SMG6: variants seen among roughly 807,000 people sequenced by gnomAD.
SMG6 encodes telomerase-binding protein EST1A.
Under a neutral mutation model 142.2 loss-of-function variants are expected in SMG6, and 66 were observed. That is an observed-to-expected ratio of 0.46 (90% confidence interval 0.38 to 0.57). The LOEUF is 0.57. Ranked by LOEUF, SMG6 falls within the 20% of genes least tolerant of loss-of-function variation. The pLI is 0.00. For missense variants in SMG6, 1,793 were observed against 1,832.0 expected, an observed-to-expected ratio of 0.98 and a Z score of 0.39; for synonymous variants, 779 against 702.4, an observed-to-expected ratio of 1.11 and a Z score of -1.72.
At chr17:2,134,404 A>G (rs2070223787) in intron 13 of SMG6, among the ~76,000 whole-genome samples, 1 of 118,876 alleles carries the variant, frequency 8.4e-6, no homozygotes, top group Non-Finnish European at 1.6e-5. Flanking sequence ...GGGCGATAAG[A>G]GCGAGACTCC....
intron 9 of SMG6, among the ~76,000 whole-genome samples, chr17:2,242,687 TTTAAAAAAAAA>T (rs1297278603): frequency 4.4e-5 from 2 of 45,412 alleles, no homozygotes; most frequent in African/African-American, 1.5e-4. Flanking sequence ...GCTCCATCTC[TTTAAAAAAAAA>T]AAAAAAAAAA....
intron 12 of SMG6, among the ~76,000 whole-genome samples, chr17:2,182,931 G>C (rs902730359): frequency 3.3e-5 from 5 of 152,116 alleles, no homozygotes; most frequent in African/African-American, 1.2e-4. Context: ...AACAGAGAAA[G>C]ACAGAGACAC....
intron 12 of SMG6, among the ~76,000 whole-genome samples, chr17:2,181,969 G>T (rs1292504843): frequency 1.3e-5 from 2 of 152,188 alleles, no homozygotes; most frequent in Non-Finnish European, 2.9e-5. Context: ...ACAGACCTGT[G>T]GCCCGGGATA....
At chr17:2,196,933 C>CA (rs1042689872) in intron 10 of SMG6, among the ~76,000 whole-genome samples, 18 of 151,686 alleles carry the variant, frequency 1.2e-4, no homozygotes, top group Non-Finnish European at 2.4e-4. Context: ...CATCTGTATG[C>CA]AAAAAAACAA....
chr17:2,133,303 G>T (rs775788020), intron 13 of SMG6, among the ~76,000 whole-genome samples: 23 of 152,110 alleles, frequency 1.5e-4, no homozygotes, highest in Admixed American at 7.9e-4. Flanking sequence ...GACAAAGCAA[G>T]TCCTCAGTAA....
At chr17:2,246,331 T>C (rs979811536) in intron 8 of SMG6, among the ~76,000 whole-genome samples, 6 of 152,202 alleles carry the variant, frequency 3.9e-5, no homozygotes, top group African/African-American at 1.4e-4. Context: ...AGGATCCCAG[T>C]GGTCAGGGCA....
chr17:2,087,758 G>GTAA, intron 13 of SMG6: 1 of 986,074 alleles, frequency 1.0e-6, no homozygotes, highest in South Asian at 4.7e-5. Context: ...GCCGAAATGA[G>GTAA]TAATAGCCTG....
chr17:2,278,867 A>G (rs967774271), intron 8 of SMG6, among the ~76,000 whole-genome samples: 10 of 152,186 alleles, frequency 6.6e-5, no homozygotes, highest in African/African-American at 2.4e-4. Context: ...AAACTTCAAA[A>G]TATTTATGAA....
intron 13 of SMG6, among the ~76,000 whole-genome samples, chr17:2,128,693 G>A (rs183235462): frequency 5.4e-4 from 82 of 151,868 alleles, no homozygotes; most frequent in Non-Finnish European, 1.0e-3. Flanking sequence ...GCGTGGTGGC[G>A]TGCACCTGTA....
At chr17:2,216,348 T>C (rs931878713) in intron 10 of SMG6, among the ~76,000 whole-genome samples, 1 of 152,050 alleles carries the variant, frequency 6.6e-6, no homozygotes, top group Admixed American at 6.6e-5. Flanking sequence ...TCCCCACAGT[T>C]TGGGGCTAAG....
intron 8 of SMG6, among the ~76,000 whole-genome samples, chr17:2,276,709 CCCT>C (rs2074657518): frequency 6.6e-6 from 1 of 151,864 alleles, no homozygotes; most frequent in Non-Finnish European, 1.5e-5. Flanking sequence ...TTTTAAGTAA[CCCT>C]CCTTCTACCA....
At chr17:2,176,313 T>C (rs1189053596) in intron 12 of SMG6, among the ~76,000 whole-genome samples, 1 of 152,192 alleles carries the variant, frequency 6.6e-6, no homozygotes, top group African/African-American at 2.4e-5. Flanking sequence ...GGATTCAAGG[T>C]TGGCCAGGGC....
At chr17:2,261,604 A>G (rs216174) in intron 8 of SMG6, among the ~76,000 whole-genome samples, 119,237 of 152,132 alleles carry the variant, frequency 0.78, 46,835 homozygotes, top group East Asian at 0.82. Flanking sequence ...GTAGACATGC[A>G]GATGACTGGT....
chr17:2,116,264 A>T (rs955615045), intron 13 of SMG6, among the ~76,000 whole-genome samples: 4 of 151,892 alleles, frequency 2.6e-5, no homozygotes, highest in African/African-American at 9.7e-5. Context: ...TTTTTTGTAC[A>T]GGCAGGGTCT....
At chr17:2,232,997 T>C (rs538939551) in intron 10 of SMG6, 4 of 152,362 alleles carry the variant, frequency 2.6e-5, no homozygotes, top group Admixed American at 6.5e-5. Flanking sequence ...AGTAAAACGT[T>C]AGCAACAATA....
At position 2,283,745 on chromosome 17, in the gene SMG6, G is replaced by C. The variant is rs200969729; in HGVS notation, c.2338-10C>G. 1 of 1,607,268 alleles carries C rather than the reference G, an allele frequency of 6.2e-7. No homozygotes were observed. Among genetic ancestry groups the C allele is most frequent in the African/African-American group, 1.3e-5 (1 of 74,762 alleles). On this transcript the variant is annotated splice_polypyrimidine_tract_variant and intron_variant, in intron 6 of 18. Coordinates refer to ENST00000263073, the MANE Select transcript of SMG6 (RefSeq NM_017575.5). ...CGTCAAGCTTCCTCCTCTGTGGAAA[G>C]AGGCCAGAGACATTCAGTCAACCAA...
At position 2,202,011 on chromosome 17, in the gene SMG6, G is replaced by A. The variant is rs188982767; in HGVS notation, c.2870-13496C>T. Among the ~76,000 whole-genome samples, 261 of 150,424 alleles carry A rather than the reference G, an allele frequency of 1.7e-3. 3 individuals carry two copies. Among genetic ancestry groups the A allele is most frequent in the Admixed American group, 0.014 (203 of 15,022 alleles). On this transcript the variant is annotated intron_variant, in intron 10 of 18. Coordinates refer to ENST00000263073, the MANE Select transcript of SMG6 (RefSeq NM_017575.5). Reference sequence around the variant, plus strand: ...TGCACTCCAGCTGGGGCAAGAGAGCGAGACTCCATCTCAAAGGAAAAAAAA... The same window carrying A: ...TGCACTCCAGCTGGGGCAAGAGAGCAAGACTCCATCTCAAAGGAAAAAAAA...
chr17:2,194,421 G>C (rs2072254860), intron 10 of SMG6, among the ~76,000 whole-genome samples: 1 of 152,168 alleles, frequency 6.6e-6, no homozygotes, highest in African/African-American at 2.4e-5. Flanking sequence ...GCATGAACTT[G>C]TTTGAAGCAA....
chr17:2,274,901 T>G (rs1325215791), intron 8 of SMG6, among the ~76,000 whole-genome samples: 1 of 151,786 alleles, frequency 6.6e-6, no homozygotes, highest in Non-Finnish European at 1.5e-5. Context: ...GTGGGAGGAC[T>G]GCTTGAGCCT....
Sources: gnomAD v4.1 joint callset for allele counts (sites outside exome capture counted in the v4.1 genomes callset) on GRCh38, gnomAD v4.1.1 for gene constraint, MANE v1.5 for transcripts, NCBI Gene and HGNC (gene_info 2026-07-23, HGNC 2026-07-21) for gene names.